Variants in CEP44 observed in about 807,000 individuals in gnomAD.
The protein encoded by CEP44 is centrosomal protein 44.
CEP44 carries 45 observed loss-of-function variants against 46.7 expected under a neutral mutation model. That is an observed-to-expected ratio of 0.96 (90% confidence interval 0.76 to 1.24). CEP44 has a LOEUF of 1.24. CEP44 is among the 50% of genes most tolerant of loss of function. The pLI is 0.00. For missense variants in CEP44, 475 were observed against 459.7 expected (o/e 1.03, Z -0.30); for synonymous variants, 142 against 146.0 (o/e 0.97, Z 0.20).
chr4:174,322,805 T>A (rs1158454376), downstream of CEP44, among the ~76,000 whole-genome samples: 1 of 152,196 alleles, frequency 6.6e-6, no homozygotes, highest in Non-Finnish European at 1.5e-5. Flanking sequence ...CATTTTAATG[T>A]CAACTTTATT....
intron 1 of CEP44, among the ~76,000 whole-genome samples, chr4:174,292,533 A>G (rs1170933910): frequency 6.6e-6 from 1 of 152,184 alleles, no homozygotes; most frequent in Non-Finnish European, 1.5e-5. Context: ...TAAGTCCCGT[A>G]GTATTACTTC....
chr4:174,330,745 T>A (rs531767329), intron 8 of CEP44, among the ~76,000 whole-genome samples: 1 of 152,202 alleles, frequency 6.6e-6, no homozygotes, highest in Non-Finnish European at 1.5e-5. Context: ...TATACTTCTC[T>A]CCAGGGATTA....
In CEP44 at chr4:174,318,686, ATT is replaced by A. The variant is rs1742002742; in HGVS notation, c.*1304_*1305del. 1 of 634,738 alleles carries A rather than the reference ATT, an allele frequency of 1.6e-6. No homozygotes were observed. Among genetic ancestry groups the A allele is most frequent in the Non-Finnish European group, 2.0e-6 (1 of 510,862 alleles). 39.3% of individuals were successfully genotyped at this position (634,738 alleles called of 1,614,324 possible). ...TTATGGTATGTATGTATAATTCTAT[ATT>A]ACACTGTCAAATATAAAATATTGTT... On this transcript the variant is annotated 3_prime_UTR_variant, in exon 12 of 12. Transcript: ENST00000503780.
At chr4:174,295,936 A>G (rs146568731) in intron 1 of CEP44, among the ~76,000 whole-genome samples, 1 of 152,114 alleles carries the variant, frequency 6.6e-6, no homozygotes, top group East Asian at 1.9e-4. Context: ...TGCTTTTTCT[A>G]CGTCCGTTGA....
At position 174,316,188 on chromosome 4, in the gene CEP44, G is replaced by A; in HGVS notation, c.984G>A (p.Arg328=). The A allele has an allele frequency of 6.2e-7, 1 of 1,613,514 alleles. No individual in the cohort carries two copies. Among genetic ancestry groups the A allele is most frequent in the Non-Finnish European group, 8.5e-7 (1 of 1,179,896 alleles). ...LNPHRKSEVE[R]PASIPLSSGY... is the part of the protein sequence containing the mutation. ...CAGACAGAAAAAGCGAAGTAGAGAG[G>A]CCAGCAAGTATTCCTCTGTCCTCTG... The change falls in exon 10 of 12, where the codon AGG becomes AGA. Residue 328 remains arginine (R), a synonymous_variant. Transcript: ENST00000503780.
intron 1 of CEP44, chr4:174,285,617 G>C (rs1737499853): frequency 6.6e-6 from 1 of 152,148 alleles, no homozygotes; most frequent in Non-Finnish European, 1.5e-5. Flanking sequence ...AGAATTACTT[G>C]CACTGGGAAA....
At position 174,316,210 on chromosome 4, in the gene CEP44, T is replaced by C; in HGVS notation, c.1006T>C (p.Ser336Pro). ...GAGGCCAGCAAGTATTCCTCTGTCC[T>C]CTGGCTATAGTACAGCATCATCAGA... ...VERPASIPLS[S>P]GYSTASSDST... The change falls in exon 10 of 12, where the codon TCT (serine) becomes CCT (proline). Residue 336 changes from serine to proline, a missense_variant. Ser to Pro is a moderately conservative substitution (Grantham distance 74). Coordinates refer to ENST00000503780, the MANE Select transcript of CEP44 (RefSeq NM_001040157.3). 1.2e-6 allele frequency: 2 copies of C among 1,613,928 alleles called. No individual in the cohort carries two copies.
chr4:174,320,694 G>GTGTGTA (rs1742244849), downstream of CEP44, among the ~76,000 whole-genome samples: 1 of 139,910 alleles, frequency 7.1e-6, no homozygotes, highest in Non-Finnish European at 1.6e-5. Context: ...CTGTGTGTGT[G>GTGTGTA]TGTGTGTGTA....
downstream of CEP44, among the ~76,000 whole-genome samples, chr4:174,324,657 C>A (rs1473656234): frequency 6.6e-6 from 1 of 152,010 alleles, no homozygotes; most frequent in Non-Finnish European, 1.5e-5. Context: ...TTTCAAATGG[C>A]CTAACCAGAG....
At chr4:174,313,495 C>G (rs1246428585) in intron 9 of CEP44, among the ~76,000 whole-genome samples, 1 of 151,850 alleles carries the variant, frequency 6.6e-6, no homozygotes, top group Non-Finnish European at 1.5e-5. Context: ...GTAGAAAGAT[C>G]AAGTCATGGA....
chr4:174,317,443 G>C lies in CEP44; in HGVS notation c.*60G>C, dbSNP rs1467160128. ...TTACTATACATATTGTATATTTTAA[G>C]AATTCTTTATACAATTTTAATATAC... On this transcript the variant is annotated 3_prime_UTR_variant, in exon 12 of 12. Transcript: ENST00000503780. The C allele has an allele frequency of 7.6e-7, 1 of 1,313,982 alleles. No homozygotes were observed. The highest frequency in any genetic ancestry group is 2.7e-5 in the East Asian group (1 of 36,674). 81.4% of individuals were successfully genotyped at this position (1,313,982 alleles called of 1,614,324 possible).
In CEP44 at chr4:174,318,473, TC is replaced by T; in HGVS notation, c.*1091del. 1 of 960,026 alleles carries T rather than the reference TC, an allele frequency of 1.0e-6. No individual in the cohort carries two copies. The highest frequency in any genetic ancestry group is 1.2e-6 in the Non-Finnish European group (1 of 808,350). 59.5% of individuals were successfully genotyped at this position (960,026 alleles called of 1,614,324 possible). A position where few individuals can be genotyped will look rare whatever the true frequency, so the allele number is the denominator to read the frequency against. ...GAGAAAAGTCTTAGCTGAAGGTAAA[TC>T]AATGGAAAAATGAAATTTATTTTTA... On this transcript the variant is annotated 3_prime_UTR_variant, in exon 12 of 12. Coordinates refer to ENST00000503780, the MANE Select transcript of CEP44 (RefSeq NM_001040157.3).
At chr4:174,325,053 G>A (rs1478430088), downstream of CEP44, among the ~76,000 whole-genome samples, 4 of 152,146 alleles carry the variant, frequency 2.6e-5, no homozygotes, top group Admixed American at 2.0e-4. The surrounding 1 kb of genome is among the most constrained non-coding windows in gnomAD (Gnocchi z 4.4). Context: ...ATGGTGAATG[G>A]GGGGTGATTA....
chr4:174,331,863 C>A lies in CEP44; in HGVS notation c.*268C>A. The stretch of plus-strand genomic sequence containing the variant: ...ATTTTTCATGTGGGTTTATAGCTTT[C>A]ATATTTCTTTATTATTGTAAATGGG... On this transcript the variant is annotated 3_prime_UTR_variant, in exon 9 of 9. Coordinates refer to the CEP44 transcript ENST00000426172. This position sits in a 1 kb window ranked among gnomAD's most constrained non-coding sequence, Gnocchi z 4.5. The A allele has an allele frequency of 8.6e-6, 3 of 350,104 alleles. No individual in the cohort carries two copies. Among genetic ancestry groups the A allele is most frequent in the Non-Finnish European group, 1.5e-5 (3 of 196,356 alleles). 21.7% of individuals were successfully genotyped at this position (350,104 alleles called of 1,614,324 possible). A position where few individuals can be genotyped will look rare whatever the true frequency, so the allele number is the denominator to read the frequency against.
At chr4:174,321,739 A>G (rs2126689618), downstream of CEP44, among the ~76,000 whole-genome samples, 1 of 152,222 alleles carries the variant, frequency 6.6e-6, no homozygotes, top group East Asian at 1.9e-4. Flanking sequence ...TCAGTATTAT[A>G]TGGTCTTACA....
rs1741930261 is a variant in CEP44 at position 174,318,049 on chromosome 4, G to A, written c.*666G>A. ...CATGAGAAATGTGTTGAACATTTTA[G>A]TATGCTCTATTGTATAATTTTTTTG... On this transcript the variant is annotated 3_prime_UTR_variant, in exon 12 of 12. Coordinates refer to ENST00000503780, the MANE Select transcript of CEP44 (RefSeq NM_001040157.3). 1.0e-6 allele frequency: 1 copy of A among 985,244 alleles called. No individual in the cohort carries two copies. The highest frequency in any genetic ancestry group is 4.7e-5 in the South Asian group (1 of 21,292). 61.0% of individuals were successfully genotyped at this position (985,244 alleles called of 1,614,324 possible).
Position 174,283,986 on chromosome 4 carries a change from C to A in CEP44, c.-148+43C>A. The A allele has an allele frequency of 1.0e-5, 4 of 399,812 alleles. No homozygotes were observed. The highest frequency in any genetic ancestry group is 1.8e-5 in the Non-Finnish European group (4 of 226,922). The allele number at this position is 399,812 out of a possible 1,614,324, so 24.8% of individuals were successfully genotyped here. A position where few individuals can be genotyped will look rare whatever the true frequency, so the allele number is the denominator to read the frequency against. On this transcript the variant is annotated intron_variant, in intron 1 of 11. Transcript: ENST00000503780. This position sits in a 1 kb window ranked among gnomAD's most constrained non-coding sequence, Gnocchi z 6.7. ...ACCCACAATTCCAAATACAAACGGTCGGCGCGAGAAGCGCTTCTGGGCGCA... is the reference window on the plus strand; with the variant it reads ...ACCCACAATTCCAAATACAAACGGTAGGCGCGAGAAGCGCTTCTGGGCGCA...
chr4:174,316,682 T>C lies in CEP44; in HGVS notation c.1124+115T>C, dbSNP rs1579155454. 12 of 948,086 alleles carry C rather than the reference T, an allele frequency of 1.3e-5. No individual in the cohort carries two copies. The East Asian group carries it at 3.5e-4, about 28-fold the overall frequency. 58.7% of individuals were successfully genotyped at this position (948,086 alleles called of 1,614,324 possible). Reference sequence around the variant, plus strand: ...AAACCTTAAAGGTCTCTCAATCAGGTGTGGAATTTCCTTCAGGACTCCACT... The same window carrying C: ...AAACCTTAAAGGTCTCTCAATCAGGCGTGGAATTTCCTTCAGGACTCCACT... On this transcript the variant is annotated intron_variant, in intron 11 of 11. Transcript: ENST00000503780.
rs541979001 is a variant in CEP44, at chr4:174,317,697, T to A, written c.*314T>A. 31 of 1,000,944 alleles carry A rather than the reference T, an allele frequency of 3.1e-5. No individual in the cohort carries two copies. In the African/African-American group the frequency reaches 5.0e-4, roughly 16 times the overall value. The allele number at this position is 1,000,944 out of a possible 1,614,324, so 62.0% of individuals were successfully genotyped here. ...CATTTGTTGGCAGTGTGCTAAGTAA[T>A]GTTTTTTAAAGCACAGGCTTGAGGA... On this transcript the variant is annotated 3_prime_UTR_variant, in exon 12 of 12. Transcript: ENST00000503780.
Sources: allele counts gnomAD v4.1 joint callset (sites outside exome capture counted in the v4.1 genomes callset), GRCh38; gene constraint gnomAD v4.1.1; non-coding constraint Gnocchi (gnomAD v3.1); transcripts MANE v1.5; gene names NCBI Gene and HGNC (gene_info 2026-07-23, HGNC 2026-07-21).